The following CDH10 variants were observed in gnomAD, a reference collection of about 807,000 sequenced individuals.
The protein encoded by CDH10 is cadherin-10.
A neutral mutation model predicts 73.1 loss-of-function variants in CDH10; 30 were observed. That is an observed-to-expected ratio of 0.41 (90% CI 0.31 to 0.56). CDH10 has a LOEUF of 0.56. CDH10 is among the 20% of genes least tolerant of loss of function. The pLI, the probability that CDH10 is intolerant of heterozygous loss-of-function variation, is 0.27. For missense variants in CDH10, 815 were observed against 973.7 expected (o/e 0.84, Z 2.17); for synonymous variants, 345 against 348.2 (o/e 0.99, Z 0.10).
chr5:24,606,512 G>A (rs952970837), intron 1 of CDH10, among the ~76,000 whole-genome samples: 1 of 152,228 alleles, frequency 6.6e-6, no homozygotes, highest in South Asian at 2.1e-4. Flanking sequence ...TTGAGAGGCT[G>A]AGGCAGGAGA....
intron 2 of CDH10, among the ~76,000 whole-genome samples, chr5:24,557,280 T>C (rs1395995210): frequency 2.0e-5 from 3 of 151,842 alleles, no homozygotes; most frequent in African/African-American, 7.2e-5. Flanking sequence ...TTTTCTGGGT[T>C]TTTTTGTAAT....
chr5:24,576,590 G>T (rs953559069), intron 2 of CDH10, among the ~76,000 whole-genome samples: 1 of 152,078 alleles, frequency 6.6e-6, no homozygotes, highest in Non-Finnish European at 1.5e-5. Context: ...GGATCAATCT[G>T]AGTAACAAAG....
intron 10 of CDH10, 60 bp downstream of exon 10, chr5:24,492,757 A>G: frequency 2.6e-6 from 2 of 771,684 alleles, no homozygotes; most frequent in Non-Finnish European, 4.7e-6. Context: ...CAATGGTTAC[A>G]CTCGGGAAAT....
At chr5:24,629,197 AC>A (rs1219815805) in intron 1 of CDH10, among the ~76,000 whole-genome samples, 5 of 152,150 alleles carry the variant, frequency 3.3e-5, no homozygotes, top group African/African-American at 4.8e-5. Context: ...AGGAATAAAT[AC>A]TTGTCATTTT....
chr5:24,597,824 C>T (rs964780654), intron 1 of CDH10, among the ~76,000 whole-genome samples: 1 of 151,892 alleles, frequency 6.6e-6, no homozygotes, highest in African/African-American at 2.4e-5. Context: ...CTAATTAAGT[C>T]TCCACACATC....
chr5:24,592,813 T>C (rs765917922), intron 2 of CDH10, among the ~76,000 whole-genome samples: 1 of 151,882 alleles, frequency 6.6e-6, no homozygotes, highest in Non-Finnish European at 1.5e-5. Flanking sequence ...CCTTGAATCA[T>C]ATTTTGATGA....
In CDH10 at chr5:24,605,290, G is replaced by A. The variant is rs139695650; in HGVS notation, c.-123-11677C>T. Among the ~76,000 whole-genome samples the A allele has an allele frequency of 4.4e-3, 674 of 152,348 alleles. 5 individuals carry two copies. Among genetic ancestry groups the A allele is most frequent in the Non-Finnish European group, 7.2e-3 (493 of 68,032 alleles). On this transcript the variant is annotated intron_variant, in intron 1 of 11. Coordinates refer to ENST00000264463, the MANE Select transcript of CDH10 (RefSeq NM_006727.5). ...TTAGGAACCGGGCCACACAGCAGGA[G>A]GTGAGGAGCCTGTGACCAAGCATTA...
At chr5:24,627,785 AC>A (rs1234408971) in intron 1 of CDH10, among the ~76,000 whole-genome samples, 12 of 152,196 alleles carry the variant, frequency 7.9e-5, no homozygotes, top group Admixed American at 7.9e-4. Context: ...AGCAGAAAAA[AC>A]ATCTACATAT....
chr5:24,584,445 C>CTTTTTTTTTTTTT (rs34192671), intron 2 of CDH10, among the ~76,000 whole-genome samples: 8 of 28,080 alleles, frequency 2.8e-4, no homozygotes, highest in Admixed American at 5.7e-4. Context: ...CTTTCTTTTC[C>CTTTTTTTTTTTTT]TTTTTTTTTT....
At chr5:24,617,387 C>T (rs957425894) in intron 1 of CDH10, among the ~76,000 whole-genome samples, 3 of 152,014 alleles carry the variant, frequency 2.0e-5, no homozygotes, top group Admixed American at 6.6e-5. Context: ...AAGATAAGAA[C>T]CAAAAGCAAA....
In CDH10 at chr5:24,494,717, A is replaced by AT. The variant is rs1742202773; in HGVS notation, c.1516-1793dup. Reference sequence around the variant, plus strand: ...TCTATAATAAATTTTAAAAATTAACATTAAAATCTTTAATTAAAATGTATT... The same window carrying AT: ...TCTATAATAAATTTTAAAAATTAACATTTAAAATCTTTAATTAAAATGTATT... On this transcript the variant is annotated intron_variant, in intron 9 of 11. Transcript: ENST00000264463. Among the ~76,000 whole-genome samples, 3 of 152,172 alleles carry AT rather than the reference A, an allele frequency of 2.0e-5. No homozygotes were observed. The South Asian group carries it at 6.2e-4, about 32-fold the overall frequency.
chr5:24,554,966 A>T (rs574042610), intron 2 of CDH10, among the ~76,000 whole-genome samples: 8 of 152,102 alleles, frequency 5.3e-5, no homozygotes, highest in African/African-American at 1.9e-4. Context: ...TATATTACAG[A>T]TTTATTAGAC....
intron 11 of CDH10, among the ~76,000 whole-genome samples, chr5:24,488,799 C>T (rs531360605): frequency 7.2e-6 from 1 of 139,844 alleles, no homozygotes; most frequent in African/African-American, 2.7e-5. Flanking sequence ...AGACCCCCCC[C>T]CCAAAAAAAA....
intron 2 of CDH10, among the ~76,000 whole-genome samples, chr5:24,572,463 T>C (rs527673649): frequency 1.3e-5 from 2 of 152,214 alleles, no homozygotes; most frequent in South Asian, 2.1e-4. Context: ...AGAGGATTTC[T>C]GGACCTGAGG....
At chr5:24,525,681 T>C (rs1743503706) in intron 5 of CDH10, among the ~76,000 whole-genome samples, 1 of 152,006 alleles carries the variant, frequency 6.6e-6, no homozygotes, top group Non-Finnish European at 1.5e-5. Context: ...GCTTTCGAAT[T>C]GAAGATTCTT....
intron 1 of CDH10, among the ~76,000 whole-genome samples, chr5:24,598,875 C>A (rs991508941): frequency 6.6e-6 from 1 of 152,096 alleles, no homozygotes; most frequent in African/African-American, 2.4e-5. Context: ...GTGCTAACAT[C>A]TTTATGTGAT....
intron 2 of CDH10, among the ~76,000 whole-genome samples, chr5:24,559,468 C>A (rs1343588935): frequency 6.6e-6 from 1 of 152,038 alleles, no homozygotes; most frequent in African/African-American, 2.4e-5. Flanking sequence ...ATCCAATCAA[C>A]AACACTTCCT....
intron 5 of CDH10, among the ~76,000 whole-genome samples, chr5:24,513,145 A>G (rs1339837663): frequency 6.6e-6 from 1 of 151,624 alleles, no homozygotes; most frequent in Non-Finnish European, 1.5e-5. Context: ...CAGCCTCCTG[A>G]GTAGATGGGA....
Position 24,593,453 on chromosome 5 carries a change from C to G in CDH10, c.38G>C (p.Trp13Ser), listed in dbSNP as rs1746270044. The G allele has an allele frequency of 2.5e-6, 4 of 1,610,206 alleles. No individual in the cohort carries two copies. The highest frequency in any genetic ancestry group is 2.5e-6 in the Non-Finnish European group (3 of 1,176,730). Residue 13 changes from tryptophan to serine, a missense_variant, in exon 2 of 12, where the codon TGG becomes TCG. Physicochemically the swap from Trp to Ser is radical, Grantham distance 177. Around this residue, in one of 3 missense-constraint regions of CDH10, gnomAD observed 58 missense variants for 96.7 expected, o/e 0.60. Coordinates refer to ENST00000264463, the MANE Select transcript of CDH10 (RefSeq NM_006727.5). Reference sequence around the variant, plus strand: ...AGAGCAGAAATGTGGCAGGCATACCCAGAATAGAAACAGTAGCAAAAATTG... The same window carrying G: ...AGAGCAGAAATGTGGCAGGCATACCGAGAATAGAAACAGTAGCAAAAATTG... ...IHQFLLLFLFWVCLPHFCSPE... is the reference protein window; with the variant it reads ...IHQFLLLFLFSVCLPHFCSPE...
Sources: allele counts gnomAD v4.1 joint callset (sites outside exome capture counted in the v4.1 genomes callset), GRCh38; gene constraint gnomAD v4.1.1; regional missense constraint gnomAD v4.1.1; transcripts MANE v1.5; gene names NCBI Gene and HGNC (gene_info 2026-07-23, HGNC 2026-07-21).